The following SHC1 variants were observed in gnomAD, a reference collection of about 807,000 sequenced individuals.
SHC1 encodes SHC adaptor protein 1, also known as SHC-transforming protein 1.
A neutral mutation model predicts 55.9 loss-of-function variants in SHC1; 30 were observed. That is an observed-to-expected ratio of 0.54 (90% confidence interval 0.40 to 0.73). The LOEUF is 0.73. SHC1 is among the 30% of genes least tolerant of loss of function. The pLI is 0.00. For missense variants in SHC1, 675 were observed against 777.1 expected (o/e 0.87, Z 1.56); for synonymous variants, 309 against 306.1 (o/e 1.01, Z -0.10).
rs2102006343 is a variant in SHC1, at chr1:154,962,734, ATAAT to A, written c.*1065_*1068del. 1 of 152,916 alleles carries A rather than the reference ATAAT, an allele frequency of 6.5e-6. No individual in the cohort carries two copies. The highest frequency in any genetic ancestry group is 2.1e-4 in the South Asian group (1 of 4,832). 9.5% of individuals were successfully genotyped at this position (152,916 alleles called of 1,614,324 possible). A position where few individuals can be genotyped will look rare whatever the true frequency, so the allele number is the denominator to read the frequency against. On this transcript the variant is annotated 3_prime_UTR_variant, in exon 12 of 12. Coordinates refer to ENST00000448116, the MANE Select transcript of SHC1 (RefSeq NM_001130040.2). ...GTCAAAAAGGTGATGTATAAATGTA[ATAAT>A]TGATTATCATTTTGTGCTCAAGAAT...
upstream of SHC1, chr1:154,973,154 C>A: frequency 6.6e-6 from 1 of 152,354 alleles, no homozygotes; most frequent in Non-Finnish European, 1.5e-5. Context: ...CTCTCTCTCC[C>A]TCTCGTGCCA....
In SHC1 at chr1:154,969,304, AC is replaced by A. The variant is rs3215173; in HGVS notation, c.566+73del. 3.4e-3 allele frequency: 3,377 copies of A among 999,726 alleles called. 66 individuals are homozygous for A. Among genetic ancestry groups the A allele is most frequent in the East Asian group, 0.032 (1,265 of 39,184 alleles). 61.9% of individuals were successfully genotyped at this position (999,726 alleles called of 1,614,324 possible). A position where few individuals can be genotyped will look rare whatever the true frequency, so the allele number is the denominator to read the frequency against. On this transcript the variant is annotated intron_variant, in intron 2 of 11. Coordinates refer to ENST00000448116, the MANE Select transcript of SHC1 (RefSeq NM_001130040.2). ...AGCCCCCAGCAGCAGCACCCAAGTGACCCACTCCCCTCCTCTGTTTCCCATG... is the reference window on the plus strand; with the variant it reads ...AGCCCCCAGCAGCAGCACCCAAGTGACCACTCCCCTCCTCTGTTTCCCATG...
chr1:154,968,893 G>A (rs1656373681), intron 2 of SHC1, 59 bp from the exon 3 acceptor site: 1 of 1,485,336 alleles, frequency 6.7e-7, no homozygotes, highest in Admixed American at 1.7e-5. Flanking sequence ...ACTCAACTGG[G>A]GCTGCCACAG....
upstream of SHC1, among the ~76,000 whole-genome samples, chr1:154,972,634 C>G (rs981020336): frequency 6.6e-6 from 1 of 152,056 alleles, no homozygotes; most frequent in Non-Finnish European, 1.5e-5. Flanking sequence ...TGTGGGCGTT[C>G]GGAAGAAAAG....
intron 1 of SHC1, 115 bp downstream of exon 1, chr1:154,969,917 C>G: frequency 1.7e-6 from 2 of 1,146,742 alleles, no homozygotes; most frequent in Non-Finnish European, 2.6e-6. Flanking sequence ...GGAAATAGGA[C>G]ACTGAAACGG....
intron 1 of SHC1, 43 bp from the exon 2 acceptor site, chr1:154,969,491 ACC>A (rs762787347): frequency 7.4e-7 from 1 of 1,349,420 alleles, no homozygotes; most frequent in Admixed American, 1.7e-5. Flanking sequence ...CGGCTCCCCC[ACC>A]CCAGCCCCTT....
chr1:154,968,334 C>T, intron 4 of SHC1, 77 bp from the exon 5 acceptor site: 1 of 1,546,304 alleles, frequency 6.5e-7, no homozygotes, highest in Non-Finnish European at 8.9e-7. Context: ...AACCCTGGTG[C>T]CCCAGTCTCA....
In SHC1 at chr1:154,970,197, G is replaced by A. The variant is rs749864261; in HGVS notation, c.330C>T (p.Asp110=). The A allele has an allele frequency of 2.5e-6, 4 of 1,613,674 alleles. No homozygotes were observed. In the African/African-American group the frequency reaches 4.0e-5, roughly 16 times the overall value. ...CGCCGCCTCCACTCAGCTTGTTCAT[G>A]TCCTGGAGGAGGGGTAGGGGGCCTG... The part of the protein sequence containing the change: ...PDSGPLPLLQ[D]MNKLSGGGGR... Residue 110 remains aspartate, a synonymous_variant, in exon 1 of 12, where the codon GAC becomes GAT. Coordinates refer to ENST00000448116, the MANE Select transcript of SHC1 (RefSeq NM_001130040.2). The surrounding 1 kb of genome is among the most constrained non-coding windows in gnomAD (Gnocchi z 5.5).
chr1:154,966,333 A>C lies in SHC1; in HGVS notation c.1168T>G (p.Leu390Val), dbSNP rs1448850992. 2 of 1,613,758 alleles carry C rather than the reference A, an allele frequency of 1.2e-6. No individual in the cohort carries two copies. The highest frequency in any genetic ancestry group is 2.7e-5 in the African/African-American group (2 of 74,926). Residue 390 changes from leucine to valine, a missense_variant, in exon 8 of 12, where the codon TTG becomes GTG. Around this residue, in one of 3 missense-constraint regions of SHC1, gnomAD observed 360 missense variants for 371.1 expected, o/e 0.97. Transcript: ENST00000448116. ...TAPNAQTPSHLGATLPVGQPV... is the reference protein window; with the variant it reads ...TAPNAQTPSHVGATLPVGQPV... ...AAGCAACTTACCAATGTAGCTCCCAAGTGGCTGGGGGTCTGGGCATTGGGT... is the reference window on the plus strand; with the variant it reads ...AAGCAACTTACCAATGTAGCTCCCACGTGGCTGGGGGTCTGGGCATTGGGT...
In SHC1 at chr1:154,966,220, C is replaced by T. The variant is rs1655950283; in HGVS notation, c.1194G>A (p.Gln398=). 4 of 1,614,022 alleles carry T rather than the reference C, an allele frequency of 2.5e-6. No homozygotes were observed. Among genetic ancestry groups the T allele is most frequent in the Non-Finnish European group, 3.4e-6 (4 of 1,180,012 alleles). ...SHLGATLPVG[Q]PVGGDPEVRK... ...GGACTTCTGGATCTCCCCCAACAGG[C>T]TGTCCTACAGGCTGCAGGGATAAAA... Residue 398 remains glutamine (Q), a synonymous_variant, in exon 9 of 12, where the codon CAG becomes CAA. Coordinates refer to ENST00000448116, the MANE Select transcript of SHC1 (RefSeq NM_001130040.2).
intron 7 of SHC1, 130 bp downstream of exon 7, chr1:154,967,541 A>G: frequency 1.0e-6 from 1 of 964,944 alleles, no homozygotes; most frequent in Non-Finnish European, 1.5e-6. Context: ...ACAGAAGAAT[A>G]GCAGGAAGTG....
chr1:154,970,475 G>C lies in SHC1; in HGVS notation c.52C>G (p.Leu18Val), dbSNP rs540270618. 6.2e-7 allele frequency: 1 copy of C among 1,612,092 alleles called. No individual in the cohort carries two copies. Among genetic ancestry groups the C allele is most frequent in the African/African-American group, 1.3e-5 (1 of 74,912 alleles). ...PKYNPLRNES[L>V]SSLEEGASGS... ...GAAGCCCCTTCCTCCAGCGATGACA[G>C]AGACTCATTCCGGAGTGGATTGTAC... is the stretch of plus-strand genomic sequence containing the variant. The change falls in exon 1 of 12, where the codon CTG becomes GTG. Residue 18 changes from leucine to valine, a missense_variant. By Grantham distance (32) the Leu-to-Val change is conservative. Around this residue, in one of 3 missense-constraint regions of SHC1, gnomAD observed 156 missense variants for 159.1 expected, o/e 0.98. Coordinates refer to ENST00000448116, the MANE Select transcript of SHC1 (RefSeq NM_001130040.2). This position sits in a 1 kb window ranked among gnomAD's most constrained non-coding sequence, Gnocchi z 5.5.
chr1:154,972,117 G>A (rs1571459449), upstream of SHC1, among the ~76,000 whole-genome samples: 1 of 151,774 alleles, frequency 6.6e-6, no homozygotes, highest in East Asian at 1.9e-4. Flanking sequence ...GCGTGGTGGC[G>A]GGCACCTGTA....
upstream of SHC1, among the ~76,000 whole-genome samples, chr1:154,972,839 C>G (rs527954512): frequency 2.0e-5 from 3 of 151,646 alleles, no homozygotes; most frequent in Admixed American, 2.0e-4. Context: ...CAAACGGGGC[C>G]AGGAGGAATG....
chr1:154,965,872 A>G lies in SHC1; in HGVS notation c.1387+74T>C. On this transcript the variant is annotated intron_variant, in intron 10 of 11. Transcript: ENST00000448116. ...AGGGAAGGGAAGTCAGGAAGGAAAG[A>G]GCAGATAGGCAGGAGAAGGGCCAGA... 7.0e-6 allele frequency: 11 copies of G among 1,576,948 alleles called. No homozygotes were observed. In the South Asian group the frequency reaches 1.3e-4, roughly 18 times the overall value.
At position 154,966,424 on chromosome 1, in the gene SHC1, G is replaced by A; in HGVS notation, c.1077C>T (p.Pro359=). 1.2e-5 allele frequency: 20 copies of A among 1,613,586 alleles called. No homozygotes were observed. Among genetic ancestry groups the A allele is most frequent in the Non-Finnish European group, 1.7e-5 (20 of 1,179,722 alleles). The change falls in exon 8 of 12, where the codon CCC becomes CCT. Residue 359 remains proline, a synonymous_variant. Coordinates refer to ENST00000448116, the MANE Select transcript of SHC1 (RefSeq NM_001130040.2). ...GCCTCATGTCTACCACCCCCCCCAA[G>A]GGGGGTTCCTTCCCCGGGAAGTCAT... is the stretch of plus-strand genomic sequence containing the variant. ...YYNDFPGKEP[P]LGGVVDMRLR...
intron 7 of SHC1, among the ~76,000 whole-genome samples, chr1:154,967,275 G>C (rs1017864396): frequency 6.6e-6 from 1 of 152,120 alleles, no homozygotes; most frequent in Non-Finnish European, 1.5e-5. Context: ...CAAGGCCTGA[G>C]GTGGGAAAGG....
intron 1 of SHC1, among the ~76,000 whole-genome samples, 186 bp downstream of exon 1, chr1:154,969,842 AGGGG>A (rs1341870783): frequency 7.2e-6 from 1 of 139,674 alleles, no homozygotes; most frequent in Non-Finnish European, 1.5e-5. Context: ...AAAAGAAGGA[AGGGG>A]GCCCAGGCAA....
chr1:154,964,386 C>G lies in SHC1; in HGVS notation c.1627-455G>C, dbSNP rs530866458. ...CCCCATCTCTACCAAAAAAAAAATA[C>G]AAAAATTAGCCAGGTGTGCCACCAC... On this transcript the variant is annotated intron_variant, in intron 11 of 11. Transcript: ENST00000448116. 2.0e-5 allele frequency: 8 copies of G among 406,528 alleles called. No individual in the cohort carries two copies. The East Asian group carries it at 4.4e-4, about 22-fold the overall frequency. The allele number at this position is 406,528 out of a possible 1,614,324, so 25.2% of individuals were successfully genotyped here.
Sources: allele counts gnomAD v4.1 joint callset (sites outside exome capture counted in the v4.1 genomes callset), GRCh38; gene constraint gnomAD v4.1.1; regional missense constraint gnomAD v4.1.1; non-coding constraint Gnocchi (gnomAD v3.1); transcripts MANE v1.5; gene names NCBI Gene and HGNC (gene_info 2026-07-23, HGNC 2026-07-21).